Variants in TOGARAM2 observed in about 807,000 individuals in gnomAD.
TOGARAM2 encodes TOG array regulator of axonemal microtubules protein 2.
A neutral mutation model predicts 93.3 loss-of-function variants in TOGARAM2; 85 were observed. The ratio of observed to expected loss-of-function variants is 0.91; its 90% CI spans 0.76 to 1.09. The LOEUF (loss-of-function observed/expected upper bound fraction) is 1.09, where lower values mean the gene tolerates loss of function less well. Ranked by LOEUF, TOGARAM2 falls within the 50% of genes least tolerant of loss-of-function variation. The probability of loss-of-function intolerance (pLI) is 0.00; values close to 1 mark genes in which losing one functional copy is unlikely to be tolerated. For missense variants in TOGARAM2, 1,277 were observed against 1,334.5 expected (o/e 0.96, Z 0.67); for synonymous variants, 593 against 552.8 (o/e 1.07, Z -1.02).
At chr2:28,978,540 G>C (rs1204275088), upstream of TOGARAM2, among the ~76,000 whole-genome samples, 2 of 152,148 alleles carry the variant, frequency 1.3e-5, no homozygotes, top group Admixed American at 1.3e-4. Context: ...AACAGGATCA[G>C]AATTTAGTAG....
chr2:28,966,234 G>T (rs998574376), intron 1 of TOGARAM2, among the ~76,000 whole-genome samples: 1 of 151,640 alleles, frequency 6.6e-6, no homozygotes, highest in Non-Finnish European at 1.5e-5. Flanking sequence ...CAGGTGATCC[G>T]CCTGCCTTGG....
chr2:29,051,666 C>T (rs1246246659), intron 19 of TOGARAM2, 90 bp from the exon 20 acceptor site: 4 of 1,152,244 alleles, frequency 3.5e-6, no homozygotes, highest in Admixed American at 3.0e-5. Flanking sequence ...GCTGCCAGCC[C>T]TTTGGGGGAC....
Position 28,999,211 on chromosome 2 carries a change from T to G in TOGARAM2, c.170T>G (p.Leu57Arg). 6.2e-7 allele frequency: 1 copy of G among 1,613,756 alleles called. No homozygotes were observed. The change falls in exon 4 of 20, where the codon CTG (leucine) becomes CGG (arginine). Residue 57 changes from leucine (L) to arginine (R), a missense_variant. Physicochemically the swap from Leu to Arg is moderately radical, Grantham distance 102 (BLOSUM62 -2). Coordinates refer to ENST00000379558, the MANE Select transcript of TOGARAM2 (RefSeq NM_199280.4). ...GSLQPEPRAL[L>R]NNEEPSQLLR... is the part of the protein sequence containing the mutation. ...CTCCAGCCTGAGCCAAGAGCCCTGC[T>G]GAACAACGAGGAACCGTCACAGCTC...
intron 1 of TOGARAM2, among the ~76,000 whole-genome samples, chr2:28,964,734 G>A (rs930276752): frequency 6.6e-6 from 1 of 150,424 alleles, no homozygotes; most frequent in Non-Finnish European, 1.5e-5. Flanking sequence ...GTGAGAACAT[G>A]TGGTGGTTGG....
chr2:28,983,970 G>A (rs1428506435), intron 1 of TOGARAM2, among the ~76,000 whole-genome samples: 1 of 151,866 alleles, frequency 6.6e-6, no homozygotes, highest in Non-Finnish European at 1.5e-5. Context: ...CCCTTCCTCT[G>A]CTCTCTGTGA....
chr2:28,974,468 T>A (rs1671997710), intron 1 of TOGARAM2, among the ~76,000 whole-genome samples: 1 of 152,136 alleles, frequency 6.6e-6, no homozygotes, highest in African/African-American at 2.4e-5. Flanking sequence ...GATTAGTATC[T>A]TTTACCATAT....
intron 6 of TOGARAM2, among the ~76,000 whole-genome samples, chr2:29,006,081 G>A (rs927044082): frequency 1.1e-4 from 4 of 35,526 alleles, no homozygotes; most frequent in Admixed American, 4.1e-4. Flanking sequence ...GTGAGAGCAC[G>A]TGTGTGTGTG....
At chr2:28,983,864 T>A (rs1672341490) in intron 1 of TOGARAM2, among the ~76,000 whole-genome samples, 1 of 152,156 alleles carries the variant, frequency 6.6e-6, no homozygotes, top group Non-Finnish European at 1.5e-5. Context: ...TGTGGGATGG[T>A]GGTAGCATCT....
At chr2:28,966,515 C>T (rs1181005045) in intron 1 of TOGARAM2, among the ~76,000 whole-genome samples, 1 of 151,922 alleles carries the variant, frequency 6.6e-6, no homozygotes, top group East Asian at 1.9e-4. Flanking sequence ...CCAGGATGGT[C>T]TTGATCTCCT....
At chr2:29,013,165 G>A (rs574703064) in intron 7 of TOGARAM2, among the ~76,000 whole-genome samples, 7 of 152,220 alleles carry the variant, frequency 4.6e-5, no homozygotes, top group Non-Finnish European at 7.3e-5. Context: ...ACCTGTTTGA[G>A]CCCTGCCTTC....
At chr2:28,995,768 G>A (rs2148271450) in intron 2 of TOGARAM2, among the ~76,000 whole-genome samples, 1 of 152,376 alleles carries the variant, frequency 6.6e-6, no homozygotes, top group South Asian at 2.1e-4. Context: ...GGTGGAAAAA[G>A]TGGGAACCCA....
upstream of TOGARAM2, among the ~76,000 whole-genome samples, chr2:28,976,465 C>T (rs951875157): frequency 3.3e-5 from 5 of 152,340 alleles, no homozygotes; most frequent in Admixed American, 3.3e-4. Context: ...TCCTCCCCTC[C>T]CCCTGCCCTC....
intron 14 of TOGARAM2, among the ~76,000 whole-genome samples, chr2:29,030,466 A>G: frequency 6.6e-6 from 1 of 152,116 alleles, no homozygotes. Flanking sequence ...GCAACGAAAA[A>G]AAAAAGGACG....
rs554246048 is a variant in TOGARAM2, at chr2:29,016,335, C to T, written c.1045-819C>T. 5.2e-4 allele frequency among the ~76,000 whole-genome samples: 79 copies of T among 152,250 alleles called. No homozygotes were observed. In the South Asian group the frequency reaches 0.011, roughly 22 times the overall value. On this transcript the variant is annotated intron_variant, in intron 8 of 19. Transcript: ENST00000379558. ...ATTGGATGTTCAGCTGCCTCCTAAA[C>T]ACTCTTCCTGCTTCCAGTGTGAGGC...
In TOGARAM2 at chr2:29,022,245, G is replaced by A. The variant is rs1558443307; in HGVS notation, c.1448G>A (p.Arg483Lys). 2 of 1,614,050 alleles carry A rather than the reference G, an allele frequency of 1.2e-6. No homozygotes were observed. The highest frequency in any genetic ancestry group is 1.7e-5 in the Admixed American group (1 of 60,032). The change falls in exon 11 of 20, where the codon AGG becomes AAG. Residue 483 changes from arginine to lysine, a missense_variant. Coordinates refer to ENST00000379558, the MANE Select transcript of TOGARAM2 (RefSeq NM_199280.4). ...GATCTTAGAGCCTGTAAGGAGTTGAGGCCTTTCTCGAACCCGGAGCTGGGG... is the reference window on the plus strand; with the variant it reads ...GATCTTAGAGCCTGTAAGGAGTTGAAGCCTTTCTCGAACCCGGAGCTGGGG... The part of the protein sequence containing the change: ...EMDLRACKEL[R>K]PFSNPELGLR...
intron 18 of TOGARAM2, among the ~76,000 whole-genome samples, chr2:29,043,262 G>T (rs536246081): frequency 1.3e-5 from 2 of 152,200 alleles, no homozygotes; most frequent in South Asian, 4.2e-4. Context: ...CTTGATTTGC[G>T]GATGGAGCTT....
upstream of TOGARAM2, among the ~76,000 whole-genome samples, chr2:28,979,144 C>T (rs1211246129): frequency 6.6e-6 from 1 of 152,134 alleles, no homozygotes; most frequent in Non-Finnish European, 1.5e-5. Context: ...TTCCAGGCAG[C>T]TCCTGGCTCC....
chr2:29,006,090 T>TG (rs143994529), intron 6 of TOGARAM2, among the ~76,000 whole-genome samples: 1,804 of 80,548 alleles, frequency 0.022, 44 homozygotes, highest in African/African-American at 0.051. Flanking sequence ...CGTGTGTGTG[T>TG]GTGGGGTGCA....
At chr2:28,957,111 CA>C (rs1205428071) in intron 1 of TOGARAM2, among the ~76,000 whole-genome samples, 1 of 151,430 alleles carries the variant, frequency 6.6e-6, no homozygotes, top group Non-Finnish European at 1.5e-5. Context: ...TCTCAAAAAA[CA>C]AAAAACAAAA....
Sources: gnomAD v4.1 joint callset for allele counts (sites outside exome capture counted in the v4.1 genomes callset) on GRCh38, gnomAD v4.1.1 for gene constraint, MANE v1.5 for transcripts, NCBI Gene and HGNC (gene_info 2026-07-23, HGNC 2026-07-21) for gene names.